The following TET2 variants were observed in gnomAD, a reference collection of about 807,000 sequenced individuals.
TET2 encodes the protein tet methylcytosine dioxygenase 2.
In TET2, 299 loss-of-function variants were observed where a neutral mutation model predicts 142.9. The ratio of observed to expected loss-of-function variants is 2.09; its 90% CI spans 1.90 to 2.30. The LOEUF (loss-of-function observed/expected upper bound fraction) is 2.30. Ranked by LOEUF, TET2 falls within the 30% of genes most tolerant of loss-of-function variation. The pLI is 0.00. For missense variants in TET2, 2,418 were observed against 2,378.0 expected (o/e 1.02, Z -0.35); for synonymous variants, 819 against 849.0 (o/e 0.96, Z 0.61).
Position 105,234,369 on chromosome 4 carries a change from G to T in TET2, c.427G>T (p.Asp143Tyr). 1 of 1,614,036 alleles carries T rather than the reference G, an allele frequency of 6.2e-7. No homozygotes were observed. The highest frequency in any genetic ancestry group is 8.5e-7 in the Non-Finnish European group (1 of 1,180,006). The change falls in exon 3 of 11, where the codon GAT (aspartate) becomes TAT (tyrosine). Residue 143 changes from aspartate to tyrosine, a missense_variant. Asp to Tyr is a radical substitution (Grantham distance 160). Transcript: ENST00000380013. The part of the protein sequence containing the change: ...PGESSQPNVS[D>Y]LSDKKESVSS... Reference sequence around the variant, plus strand: ...TGAAAGCAGTCAACCAAATGTCTCCGATTTGAGTGATAAGAAAGAATCTGT... The same window carrying T: ...TGAAAGCAGTCAACCAAATGTCTCCTATTTGAGTGATAAGAAAGAATCTGT...
intron 6 of TET2, among the ~76,000 whole-genome samples, chr4:105,250,003 A>G (rs1308166231): frequency 2.0e-5 from 3 of 152,200 alleles, no homozygotes; most frequent in Non-Finnish European, 2.9e-5. Flanking sequence ...ATTTACACCT[A>G]TGCTTTCTTC....
intron 8 of TET2, among the ~76,000 whole-genome samples, chr4:105,262,736 C>A (rs560997215): frequency 5.3e-4 from 80 of 152,146 alleles, no homozygotes; most frequent in African/African-American, 1.9e-3. Context: ...ACAAAATTAG[C>A]TGGGTGTGGT....
Position 105,276,513 on chromosome 4 carries a change from T to C in TET2, c.6003T>C (p.Tyr2001=), listed in dbSNP as rs923079788. 5.2e-6 allele frequency: 8 copies of C among 1,548,216 alleles called. No homozygotes were observed. In the Admixed American group the frequency reaches 9.9e-5, roughly 19 times the overall value. The change falls in exon 11 of 11, where the codon TAT becomes TAC. Residue 2001 remains tyrosine, a synonymous_variant. Coordinates refer to ENST00000380013, the MANE Select transcript of TET2 (RefSeq NM_001127208.3). ...FTRVTGPYNR[Y]I ...GGGTCACAGGGCCTTACAACAGATA[T>C]ATATGATATCACCCCCTTTTGTTGG...
At chr4:105,150,596 G>GC (rs1289855627) in intron 1 of TET2, among the ~76,000 whole-genome samples, 1 of 152,176 alleles carries the variant, frequency 6.6e-6, no homozygotes, top group Admixed American at 6.5e-5. Flanking sequence ...TATCTCCCAA[G>GC]CCAACTTTAC....
chr4:105,183,863 CCTTT>C (rs1301931913), intron 1 of TET2, among the ~76,000 whole-genome samples: 1 of 152,120 alleles, frequency 6.6e-6, no homozygotes, highest in African/African-American at 2.4e-5. Flanking sequence ...TTTCTTTGCC[CCTTT>C]CTTCCCCTTT....
At chr4:105,146,676 G>A (rs1161232587), upstream of TET2, 12 of 152,344 alleles carry the variant, frequency 7.9e-5, no homozygotes, top group South Asian at 2.4e-3. Flanking sequence ...GAGGAGAGCC[G>A]GCGGTAGCGG....
At chr4:105,200,741 A>T (rs772017283) in intron 2 of TET2, among the ~76,000 whole-genome samples, 2 of 151,812 alleles carry the variant, frequency 1.3e-5, no homozygotes, top group Non-Finnish European at 2.9e-5. Flanking sequence ...GCTCATTGCA[A>T]CCTCCACATT....
intron 1 of TET2, among the ~76,000 whole-genome samples, chr4:105,163,264 G>C (rs903297113): frequency 2.0e-5 from 3 of 152,042 alleles, no homozygotes; most frequent in Non-Finnish European, 4.4e-5. Flanking sequence ...TTGTAAACTA[G>C]AGCTGTTTCT....
rs1731374392 is a variant in TET2, at chr4:105,279,784, AT to A, written c.*3268del. 1 of 212,662 alleles carries A rather than the reference AT, an allele frequency of 4.7e-6. No homozygotes were observed. The highest frequency in any genetic ancestry group is 9.5e-6 in the Non-Finnish European group (1 of 105,254). The allele number at this position is 212,662 out of a possible 1,614,324, so 13.2% of individuals were successfully genotyped here. A position where few individuals can be genotyped will look rare whatever the true frequency, so the allele number is the denominator to read the frequency against. On this transcript the variant is annotated 3_prime_UTR_variant, in exon 11 of 11. Transcript: ENST00000380013. ...TGTGAGTGTTTTTAATAAAATTTATATTTATTTAATGCACTCTAAGTGTTGT... is the reference window on the plus strand; with the variant it reads ...TGTGAGTGTTTTTAATAAAATTTATATTATTTAATGCACTCTAAGTGTTGT...
chr4:105,152,911 T>C (rs1015406489), intron 1 of TET2, among the ~76,000 whole-genome samples: 2 of 152,154 alleles, frequency 1.3e-5, no homozygotes, highest in Non-Finnish European at 2.9e-5. Flanking sequence ...CTATTTTCAA[T>C]GTATAAGAGA....
chr4:105,259,928 T>C (rs1056075911), intron 7 of TET2, among the ~76,000 whole-genome samples, 159 bp downstream of exon 7: 4 of 152,168 alleles, frequency 2.6e-5, no homozygotes, highest in Admixed American at 6.6e-5. Flanking sequence ...ATAATAATCA[T>C]ATTATGCCAA....
In TET2 at chr4:105,272,846, A is replaced by G. The variant is rs1426784207; in HGVS notation, c.4465A>G (p.Asn1489Asp). 2 of 1,551,162 alleles carry G rather than the reference A, an allele frequency of 1.3e-6. No individual in the cohort carries two copies. Among genetic ancestry groups the G allele is most frequent in the African/African-American group, 2.7e-5 (2 of 72,930 alleles). The change falls in exon 10 of 11, where the codon AAT becomes GAT. Residue 1489 changes from asparagine (N) to aspartate (D), a missense_variant. Transcript: ENST00000380013. ...LSSLENSSNK[N>D]EKEKSAPSRT... ...CTCCCTGGAGAACAGCTCAAATAAA[A>G]ATGAAAAGGAAAAGTCAGCCCCATC...
At position 105,276,365 on chromosome 4, in the gene TET2, A is replaced by G. The variant is rs2110316693; in HGVS notation, c.5855A>G (p.Glu1952Gly). The change falls in exon 11 of 11, where the codon GAG becomes GGG. Residue 1952 changes from glutamate to glycine, a missense_variant. Transcript: ENST00000380013. ...QKSHGKKVKR[E>G]PAEPHETSEP... ...TCCCATGGCAAAAAAGTGAAACGGGAGCCTGCTGAGCCACATGAAACTTCA... is the reference window on the plus strand; with the variant it reads ...TCCCATGGCAAAAAAGTGAAACGGGGGCCTGCTGAGCCACATGAAACTTCA... The G allele has an allele frequency of 2.6e-6, 4 of 1,551,906 alleles. No individual in the cohort carries two copies. The South Asian group carries it at 4.8e-5, about 18-fold the overall frequency.
At chr4:105,160,899 C>T (rs1280013235) in intron 1 of TET2, among the ~76,000 whole-genome samples, 3 of 152,114 alleles carry the variant, frequency 2.0e-5, no homozygotes, top group African/African-American at 7.2e-5. Flanking sequence ...CCTCAGGCTT[C>T]GGAGTAGCTG....
At chr4:105,196,285 T>C (rs1156918909) in intron 2 of TET2, among the ~76,000 whole-genome samples, 1 of 152,096 alleles carries the variant, frequency 6.6e-6, no homozygotes, top group African/African-American at 2.4e-5. Flanking sequence ...TTTCAGACTT[T>C]ATTAAAGGAG....
chr4:105,223,682 C>T (rs1375390587), intron 2 of TET2, among the ~76,000 whole-genome samples: 1 of 152,060 alleles, frequency 6.6e-6, no homozygotes, highest in Non-Finnish European at 1.5e-5. Flanking sequence ...TAGGAAGAAT[C>T]CAAAATAGTT....
chr4:105,176,760 A>G (rs902066590), intron 1 of TET2, among the ~76,000 whole-genome samples: 8 of 152,278 alleles, frequency 5.3e-5, no homozygotes, highest in African/African-American at 1.9e-4. Context: ...GATATCAACA[A>G]AAGGATTCTA....
intron 8 of TET2, among the ~76,000 whole-genome samples, chr4:105,264,531 A>T (rs1443400905): frequency 6.6e-6 from 1 of 152,176 alleles, no homozygotes; most frequent in Non-Finnish European, 1.5e-5. Flanking sequence ...ACTATTTTAT[A>T]CATTTCCTAA....
Position 105,242,859 on chromosome 4 carries a change from A to G in TET2, c.3526A>G (p.Arg1176Gly), listed in dbSNP as rs1444062549. The change falls in exon 5 of 11, where the codon AGG becomes GGG. Residue 1176 changes from arginine to glycine, a missense_variant. By Grantham distance (125) the Arg-to-Gly change is moderately radical. Coordinates refer to ENST00000380013, the MANE Select transcript of TET2 (RefSeq NM_001127208.3). ...GTTTGGACAGAAGGGTAAAGCTATTAGGATTGAAAGAGTCATCTATACTGG... is the reference window on the plus strand; with the variant it reads ...GTTTGGACAGAAGGGTAAAGCTATTGGGATTGAAAGAGTCATCTATACTGG... ...ERFGQKGKAI[R>G]IERVIYTGKE... 1 of 1,551,390 alleles carries G rather than the reference A, an allele frequency of 6.4e-7. No homozygotes were observed. Among genetic ancestry groups the G allele is most frequent in the Non-Finnish European group, 8.7e-7 (1 of 1,146,842 alleles).
Sources: allele counts gnomAD v4.1 joint callset (sites outside exome capture counted in the v4.1 genomes callset), GRCh38; gene constraint gnomAD v4.1.1; transcripts MANE v1.5; gene names NCBI Gene and HGNC (gene_info 2026-07-23, HGNC 2026-07-21).